The following MERTK variants were observed in gnomAD, a reference collection of about 807,000 sequenced individuals.
The protein encoded by MERTK is MER proto-oncogene, tyrosine kinase, also known as tyrosine-protein kinase Mer.
Under a neutral mutation model 99.3 loss-of-function variants are expected in MERTK, and 69 were observed. The observed-to-expected ratio is 0.70, with a 90% CI of 0.57 to 0.85. The LOEUF is 0.85. Among genes scored for constraint, MERTK ranks in the 40% least tolerant of loss-of-function variants. MERTK has a pLI of 0.00. For synonymous variants in MERTK, 426 were observed against 467.6 expected (o/e 0.91, Z 1.15); for missense variants, 1,125 against 1,249.4 (o/e 0.90, Z 1.50).
intron 2 of MERTK, among the ~76,000 whole-genome samples, chr2:111,933,436 A>T (rs1038167893): frequency 3.3e-5 from 5 of 152,224 alleles, no homozygotes; most frequent in Non-Finnish European, 7.3e-5. Context: ...TGTTTATTCA[A>T]GAGAATGTGC....
chr2:111,968,999 G>A (rs756846692), intron 6 of MERTK, among the ~76,000 whole-genome samples: 17 of 152,216 alleles, frequency 1.1e-4, no homozygotes, highest in Non-Finnish European at 2.4e-4. Context: ...CTTACCCAGT[G>A]TCACCGGGGG....
In MERTK at chr2:111,929,444, C is replaced by A; in HGVS notation, c.386C>A (p.Ser129Tyr). 6.2e-7 allele frequency: 1 copy of A among 1,614,086 alleles called. No homozygotes were observed. The highest frequency in any genetic ancestry group is 8.5e-7 in the Non-Finnish European group (1 of 1,179,984). The change falls in exon 2 of 19, where the codon TCT becomes TAT. Residue 129 changes from serine (S) to tyrosine (Y), a missense_variant. By Grantham distance (144) the Ser-to-Tyr change is moderately radical. Coordinates refer to ENST00000295408, the MANE Select transcript of MERTK (RefSeq NM_006343.3). ...AATATATACCAGGACACCACAATTT[C>A]TTGGTGGAAAGATGGGAAGGAATTG... ...VPNIYQDTTI[S>Y]WWKDGKELLG...
intron 1 of MERTK, among the ~76,000 whole-genome samples, chr2:111,927,820 AGCATGGCAGGAG>A (rs1684595621): frequency 6.6e-6 from 1 of 152,244 alleles, no homozygotes; most frequent in African/African-American, 2.4e-5. Context: ...TGATGTCCTG[AGCATGGCAGGAG>A]GCCAGCCCTT....
At chr2:111,980,914 C>T (rs1247174090) in intron 7 of MERTK, among the ~76,000 whole-genome samples, 2 of 152,270 alleles carry the variant, frequency 1.3e-5, no homozygotes, top group South Asian at 2.1e-4. Flanking sequence ...CTGTTGACTC[C>T]TCTTTGCCTT....
intron 14 of MERTK, 25 bp from the exon 15 acceptor site, chr2:112,009,923 A>C (rs759474494): frequency 6.5e-7 from 1 of 1,539,618 alleles, no homozygotes; most frequent in East Asian, 2.2e-5. Flanking sequence ...ACTCTTTGTA[A>C]TTGATGCTGT....
At chr2:111,987,129 G>A (rs547079947) in intron 8 of MERTK, among the ~76,000 whole-genome samples, 3 of 152,334 alleles carry the variant, frequency 2.0e-5, no homozygotes, top group African/African-American at 7.2e-5. Flanking sequence ...GCAGGACAGA[G>A]CAGTTGGATA....
chr2:111,968,022 T>G, intron 5 of MERTK, 115 bp from the exon 6 acceptor site: 1 of 769,330 alleles, frequency 1.3e-6, no homozygotes, highest in East Asian at 2.6e-5. Context: ...ATGTTTCCCT[T>G]TACTAATCTC....
At chr2:112,023,730 G>A (rs889087881) in intron 18 of MERTK, among the ~76,000 whole-genome samples, 3 of 152,142 alleles carry the variant, frequency 2.0e-5, no homozygotes, top group Admixed American at 6.5e-5. Context: ...TTCCTAATGG[G>A]GAGTCTCCTC....
intron 1 of MERTK, among the ~76,000 whole-genome samples, chr2:111,909,158 A>G (rs1360301758): frequency 6.6e-6 from 1 of 152,162 alleles, no homozygotes; most frequent in Non-Finnish European, 1.5e-5. Flanking sequence ...AAGGGAACTC[A>G]TACACTGCTG....
At chr2:111,964,043 C>CTTTT (rs56693776) in intron 4 of MERTK, among the ~76,000 whole-genome samples, 8 of 103,858 alleles carry the variant, frequency 7.7e-5, no homozygotes, top group South Asian at 3.7e-4. Flanking sequence ...AATTTTCTTT[C>CTTTT]TTTTTTTTTT....
At chr2:111,912,027 G>C (rs1046477515) in intron 1 of MERTK, among the ~76,000 whole-genome samples, 4 of 151,066 alleles carry the variant, frequency 2.6e-5, no homozygotes, top group African/African-American at 9.7e-5. Flanking sequence ...ATTTATGACG[G>C]AGTCTCACGC....
At chr2:111,970,818 CCCT>C (rs1189704510) in intron 6 of MERTK, among the ~76,000 whole-genome samples, 1 of 100,404 alleles carries the variant, frequency 1.0e-5, no homozygotes, top group Non-Finnish European at 2.0e-5. Context: ...TCCTCCTCCT[CCCT>C]CCTCCTCCCT....
chr2:111,915,864 T>C (rs1020289717), intron 1 of MERTK, among the ~76,000 whole-genome samples: 1 of 152,172 alleles, frequency 6.6e-6, no homozygotes, highest in Admixed American at 6.5e-5. Context: ...TATTGCACTC[T>C]AGCCTGGGCA....
At position 111,920,489 on chromosome 2, in the gene MERTK, C is replaced by T. The variant is rs554287137; in HGVS notation, c.62-8631C>T. 7.2e-5 allele frequency among the ~76,000 whole-genome samples: 11 copies of T among 152,120 alleles called. No individual in the cohort carries two copies. In the South Asian group the frequency reaches 2.3e-3, roughly 32 times the overall value. On this transcript the variant is annotated intron_variant, in intron 1 of 18. Transcript: ENST00000295408. ...TCTCCAAGTGGCCCAAGGGTCACTC[C>T]AGTGAAGTTAATAATTACCATTTGC... is the stretch of plus-strand genomic sequence containing the variant.
At chr2:111,902,077 G>T (rs1478247063) in intron 1 of MERTK, among the ~76,000 whole-genome samples, 1 of 151,992 alleles carries the variant, frequency 6.6e-6, no homozygotes, top group Admixed American at 6.6e-5. Flanking sequence ...TAGAGACAGG[G>T]TTTCTCCGTG....
chr2:112,022,864 TG>T (rs1167778543), intron 18 of MERTK, among the ~76,000 whole-genome samples: 1 of 152,158 alleles, frequency 6.6e-6, no homozygotes, highest in East Asian at 1.9e-4. Context: ...CCAATGACTT[TG>T]GGGTCAGGCT....
intron 16 of MERTK, chr2:112,020,561 A>G (rs779180080): frequency 6.6e-5 from 31 of 470,728 alleles, no homozygotes; most frequent in African/African-American, 5.0e-4. Flanking sequence ...CTTGGGCTAC[A>G]AATGCAGTTG....
rs562802651 is a variant in MERTK, at chr2:111,907,937, A to ACTCAATCTT, written c.61+9142_61+9150dup. Among the ~76,000 whole-genome samples the ACTCAATCTT allele has an allele frequency of 2.0e-3, 308 of 152,260 alleles. 1 individual carries two copies. Among genetic ancestry groups the ACTCAATCTT allele is most frequent in the Non-Finnish European group, 3.9e-3 (265 of 68,018 alleles). Reference sequence around the variant, plus strand: ...AAGCTCAGGTTCCCAGGACCCGTGGACTCAATCTTTGGGGCTGTGGCCCTG... The same window carrying ACTCAATCTT: ...AAGCTCAGGTTCCCAGGACCCGTGGACTCAATCTTCTCAATCTTTGGGGCTGTGGCCCTG... On this transcript the variant is annotated intron_variant, in intron 1 of 18. Coordinates refer to ENST00000295408, the MANE Select transcript of MERTK (RefSeq NM_006343.3).
At chr2:112,023,380 C>T (rs1181373596) in intron 18 of MERTK, among the ~76,000 whole-genome samples, 1 of 151,932 alleles carries the variant, frequency 6.6e-6, no homozygotes, top group Non-Finnish European at 1.5e-5. Context: ...TGCCACTGCA[C>T]TCCAGCCTGG....
Sources: allele counts gnomAD v4.1 joint callset (sites outside exome capture counted in the v4.1 genomes callset), GRCh38; gene constraint gnomAD v4.1.1; transcripts MANE v1.5; gene names NCBI Gene and HGNC (gene_info 2026-07-23, HGNC 2026-07-21).